The following CENPP variants were observed in gnomAD, a reference collection of about 807,000 sequenced individuals.
CENPP encodes centromere protein P.
Under a neutral mutation model 35.6 loss-of-function variants are expected in CENPP, and 24 were observed. The ratio of observed to expected loss-of-function variants is 0.67; its 90% CI spans 0.49 to 0.95. CENPP has a LOEUF of 0.95. Ranked by LOEUF, CENPP falls within the 40% of genes least tolerant of loss-of-function variation. The pLI, the probability that CENPP is intolerant of heterozygous loss-of-function variation, is 0.00. For missense variants in CENPP, 332 were observed against 345.3 expected, an observed-to-expected ratio of 0.96 and a Z score of 0.31; for synonymous variants, 120 against 125.5, an observed-to-expected ratio of 0.96 and a Z score of 0.29.
intron 4 of CENPP, among the ~76,000 whole-genome samples, chr9:92,363,674 G>A (rs930539502): frequency 1.1e-4 from 17 of 152,066 alleles, no homozygotes; most frequent in Non-Finnish European, 2.1e-4. Context: ...TGTACACCAA[G>A]GCCTCCAGTT....
At chr9:92,591,870 C>T (rs748413767) in intron 5 of CENPP, among the ~76,000 whole-genome samples, 1 of 152,024 alleles carries the variant, frequency 6.6e-6, no homozygotes, top group South Asian at 2.1e-4. Context: ...TAATTTATTT[C>T]GTTATTTATT....
At chr9:92,362,283 G>A (rs1048612292) in intron 4 of CENPP, among the ~76,000 whole-genome samples, 2 of 152,118 alleles carry the variant, frequency 1.3e-5, no homozygotes, top group Non-Finnish European at 2.9e-5. Context: ...GAGGGGCTGA[G>A]GCAAGAGTAT....
intron 5 of CENPP, among the ~76,000 whole-genome samples, chr9:92,477,246 G>A (rs1009866550): frequency 1.3e-5 from 2 of 152,150 alleles, no homozygotes; most frequent in Non-Finnish European, 2.9e-5. Context: ...GTTACTGGGG[G>A]CTTCCTTCTC....
chr9:92,475,212 A>G (rs1845673275), intron 5 of CENPP, among the ~76,000 whole-genome samples: 1 of 152,214 alleles, frequency 6.6e-6, no homozygotes, highest in Admixed American at 6.5e-5. Flanking sequence ...GAAATATTTG[A>G]GACAATTATA....
intron 5 of CENPP, among the ~76,000 whole-genome samples, chr9:92,567,377 T>TATATATATATATATATATATATATATAG (rs1850008050): frequency 2.3e-5 from 2 of 87,528 alleles, no homozygotes; most frequent in South Asian, 3.1e-4. Context: ...AAGATAGATA[T>TATATATATATATATATATATATATATAG]ATATATATAT....
intron 5 of CENPP, among the ~76,000 whole-genome samples, chr9:92,446,230 T>G (rs915043621): frequency 6.6e-6 from 1 of 152,208 alleles, no homozygotes; most frequent in Non-Finnish European, 1.5e-5. Context: ...CCCTCTATAA[T>G]TTCATTCTTT....
intron 5 of CENPP, among the ~76,000 whole-genome samples, chr9:92,520,000 T>C (rs1298180634): frequency 8.7e-6 from 1 of 115,280 alleles, no homozygotes; most frequent in Non-Finnish European, 1.7e-5. Flanking sequence ...GGGCAAAACT[T>C]GCCCAATACA....
chr9:92,557,908 G>A (rs544642685), intron 5 of CENPP, among the ~76,000 whole-genome samples: 7 of 152,264 alleles, frequency 4.6e-5, no homozygotes, highest in African/African-American at 1.7e-4. Flanking sequence ...CTCCCAAAGT[G>A]CTGGGATTAC....
At chr9:92,432,028 G>T (rs188395613) in intron 5 of CENPP, among the ~76,000 whole-genome samples, 220 of 152,244 alleles carry the variant, frequency 1.4e-3, no homozygotes, top group African/African-American at 5.0e-3. Flanking sequence ...TGGATCCCAT[G>T]AAAATGGTAA....
chr9:92,326,517 G>A (rs941182369), intron 1 of CENPP, among the ~76,000 whole-genome samples: 3 of 152,166 alleles, frequency 2.0e-5, no homozygotes, highest in African/African-American at 7.2e-5. Flanking sequence ...AAATTCCTTT[G>A]AAAAATAACT....
At chr9:92,445,263 A>G (rs533503572) in intron 5 of CENPP, among the ~76,000 whole-genome samples, 159 of 152,180 alleles carry the variant, frequency 1.0e-3, no homozygotes, top group Admixed American at 2.7e-3. Context: ...TTCAAGCATC[A>G]TTGGGGTCCA....
At chr9:92,587,139 T>G (rs1182356408) in intron 5 of CENPP, among the ~76,000 whole-genome samples, 1 of 151,926 alleles carries the variant, frequency 6.6e-6, no homozygotes, top group African/African-American at 2.4e-5. Flanking sequence ...AAACAAAGTA[T>G]GAACAAAATG....
chr9:92,573,348 A>G (rs533266691), intron 5 of CENPP, among the ~76,000 whole-genome samples: 2 of 152,134 alleles, frequency 1.3e-5, no homozygotes, highest in African/African-American at 4.8e-5. Context: ...GGTCTGTTGG[A>G]GTTTGCTGGA....
chr9:92,337,759 C>T (rs1477336504), intron 3 of CENPP, 130 bp downstream of exon 3: 2 of 694,952 alleles, frequency 2.9e-6, no homozygotes. Context: ...ATTCATAGCA[C>T]ATTTGTGCAA....
chr9:92,393,288 A>C, intron 5 of CENPP: 1 of 1,473,158 alleles, frequency 6.8e-7, no homozygotes, highest in Non-Finnish European at 9.2e-7. Context: ...AATCGTTTGA[A>C]AATATTTCTC....
At chr9:92,465,836 CTTTT>C (rs771611786) in intron 5 of CENPP, among the ~76,000 whole-genome samples, 1 of 141,330 alleles carries the variant, frequency 7.1e-6, no homozygotes, top group Non-Finnish European at 1.6e-5. Context: ...AAAGGAGGTT[CTTTT>C]TTTTTTTTTT....
chr9:92,349,952 A>C (rs1335130813), intron 4 of CENPP, among the ~76,000 whole-genome samples: 2 of 152,198 alleles, frequency 1.3e-5, no homozygotes, highest in Admixed American at 1.3e-4. Flanking sequence ...GAGTCGTATA[A>C]GAGTATGTTT....
chr9:92,500,635 T>A, intron 5 of CENPP: 1 of 1,329,794 alleles, frequency 7.5e-7, no homozygotes, highest in Non-Finnish European at 1.0e-6. Context: ...TTTTTTCCCT[T>A]AACGTAAATC....
chr9:92,435,576 C>T (rs1410169558), intron 5 of CENPP, among the ~76,000 whole-genome samples: 2 of 152,142 alleles, frequency 1.3e-5, no homozygotes, highest in African/African-American at 2.4e-5. Flanking sequence ...CTTGCCCTTC[C>T]CCCTTCATCT....
Sources: allele counts gnomAD v4.1 joint callset (sites outside exome capture counted in the v4.1 genomes callset), GRCh38; gene constraint gnomAD v4.1.1; transcripts MANE v1.5; gene names NCBI Gene and HGNC (gene_info 2026-07-23, HGNC 2026-07-21).